CDH11: variants seen among roughly 807,000 people sequenced by gnomAD.
CDH11 encodes cadherin 11, also known as cadherin-11.
A neutral mutation model predicts 67.8 loss-of-function variants in CDH11; 11 were observed. The observed-to-expected ratio is 0.16, with a 90% CI of 0.10 to 0.27. The LOEUF is 0.27. Ranked by LOEUF, CDH11 falls within the 10% of genes least tolerant of loss-of-function variation. CDH11 has a pLI of 1.00. For synonymous variants in CDH11, 419 were observed against 400.0 expected, an observed-to-expected ratio of 1.05 and a Z score of -0.57; for missense variants, 847 against 1,031.2, an observed-to-expected ratio of 0.82 and a Z score of 2.45.
At chr16:65,028,520 G>T (rs542294923) in intron 2 of CDH11, among the ~76,000 whole-genome samples, 2 of 152,010 alleles carry the variant, frequency 1.3e-5, no homozygotes, top group Non-Finnish European at 2.9e-5. Context: ...ACACATAAGA[G>T]ATACACACAC....
intron 2 of CDH11, among the ~76,000 whole-genome samples, chr16:65,006,063 T>G (rs1416994024): frequency 7.0e-6 from 1 of 143,318 alleles, no homozygotes; most frequent in African/African-American, 2.5e-5. Flanking sequence ...GACTTTCTCA[T>G]GCTGAAAACT....
chr16:65,121,783 C>A lies in CDH11; in HGVS notation c.-298+97G>T. On this transcript the variant is annotated intron_variant, in intron 1 of 12. Coordinates refer to ENST00000268603, the MANE Select transcript of CDH11 (RefSeq NM_001797.4). This position sits in a 1 kb window ranked among gnomAD's most constrained non-coding sequence, Gnocchi z 4.1. ...CAGATACCACCGTCCCCCTCACCAC[C>A]CCGCCCCGCCAAGACATTCTCTTCC... 2 of 699,658 alleles carry A rather than the reference C, an allele frequency of 2.9e-6. No homozygotes were observed. The highest frequency in any genetic ancestry group is 5.2e-6 in the Non-Finnish European group (2 of 383,814). 43.3% of individuals were successfully genotyped at this position (699,658 alleles called of 1,614,324 possible).
intron 1 of CDH11, among the ~76,000 whole-genome samples, chr16:65,078,247 C>T (rs575460720): frequency 1.3e-5 from 2 of 152,232 alleles, no homozygotes; most frequent in Admixed American, 1.3e-4. Context: ...AGTATTTTGC[C>T]CTCACGCTGC....
At chr16:65,063,835 T>G (rs1282518123) in intron 1 of CDH11, among the ~76,000 whole-genome samples, 1 of 152,196 alleles carries the variant, frequency 6.6e-6, no homozygotes, top group East Asian at 1.9e-4. Context: ...GGCAGTAAGA[T>G]TGTTTCCTAC....
At chr16:64,958,472 G>A (rs60424410) in intron 11 of CDH11, among the ~76,000 whole-genome samples, 31,801 of 151,994 alleles carry the variant, frequency 0.21, 3,910 homozygotes, top group East Asian at 0.46. Context: ...ATGGGCAAAC[G>A]CTGTTGTTTG....
At chr16:65,002,040 G>A (rs574835085) in intron 3 of CDH11, among the ~76,000 whole-genome samples, 2 of 152,250 alleles carry the variant, frequency 1.3e-5, no homozygotes, top group African/African-American at 4.8e-5. Flanking sequence ...AAGGTTGTTA[G>A]GAAATAAACC....
chr16:65,082,927 A>G (rs745972088), intron 1 of CDH11, among the ~76,000 whole-genome samples: 4 of 152,158 alleles, frequency 2.6e-5, no homozygotes, highest in Non-Finnish European at 5.9e-5. Flanking sequence ...GGCTGTGGGC[A>G]CTGCAGGGGG....
intron 11 of CDH11, among the ~76,000 whole-genome samples, chr16:64,960,171 G>A (rs970825549): frequency 1.3e-5 from 2 of 152,102 alleles, no homozygotes; most frequent in Non-Finnish European, 2.9e-5. Context: ...TGACTGAATG[G>A]ATGAAAGAAT....
intron 2 of CDH11, among the ~76,000 whole-genome samples, chr16:65,049,867 G>A (rs924326307): frequency 4.6e-5 from 7 of 152,236 alleles, no homozygotes; most frequent in Non-Finnish European, 1.0e-4. Context: ...CCCAAAATAG[G>A]AAATACACAT....
intron 1 of CDH11, among the ~76,000 whole-genome samples, chr16:65,054,228 T>C (rs1405391488): frequency 6.6e-6 from 1 of 152,224 alleles, no homozygotes; most frequent in African/African-American, 2.4e-5. Flanking sequence ...CACATACATT[T>C]GCTCTTGCAT....
At chr16:65,013,079 G>A (rs999394357) in intron 2 of CDH11, among the ~76,000 whole-genome samples, 19 of 152,324 alleles carry the variant, frequency 1.2e-4, no homozygotes, top group Middle Eastern at 3.4e-3. Context: ...CATATCTGCA[G>A]GGGCTTGTGA....
At chr16:64,954,175 G>A (rs146409100) in intron 11 of CDH11, among the ~76,000 whole-genome samples, 1 of 152,324 alleles carries the variant, frequency 6.6e-6, no homozygotes, top group East Asian at 1.9e-4. Flanking sequence ...CCGACACACA[G>A]AAACCACTAC....
At chr16:64,961,583 TTAG>T (rs1165466916) in intron 11 of CDH11, among the ~76,000 whole-genome samples, 2 of 152,146 alleles carry the variant, frequency 1.3e-5, no homozygotes, top group Admixed American at 1.3e-4. Flanking sequence ...TAAATTATTA[TTAG>T]GATTATATAT....
At chr16:65,078,977 G>A (rs564464596) in intron 1 of CDH11, among the ~76,000 whole-genome samples, 73 of 152,248 alleles carry the variant, frequency 4.8e-4, no homozygotes, top group African/African-American at 1.4e-3. Context: ...AAATTACCCC[G>A]GCCTAATATG....
intron 2 of CDH11, among the ~76,000 whole-genome samples, chr16:65,051,082 G>A (rs1256464137): frequency 6.6e-6 from 1 of 152,168 alleles, no homozygotes; most frequent in African/African-American, 2.4e-5. Context: ...TGCAAAATAA[G>A]CAAATGCAAG....
intron 1 of CDH11, among the ~76,000 whole-genome samples, chr16:65,080,777 G>T (rs1160916247): frequency 1.3e-5 from 2 of 152,028 alleles, no homozygotes; most frequent in African/African-American, 4.8e-5. Flanking sequence ...TCATCATTTT[G>T]CTCATGATAT....
At chr16:65,101,873 A>G (rs138136128) in intron 1 of CDH11, among the ~76,000 whole-genome samples, 25 of 152,342 alleles carry the variant, frequency 1.6e-4, no homozygotes, top group Non-Finnish European at 3.1e-4. Context: ...TTCAGTGTGA[A>G]TGACTTTCGC....
chr16:64,990,140 T>C (rs530327956), intron 6 of CDH11, among the ~76,000 whole-genome samples: 1 of 152,274 alleles, frequency 6.6e-6, no homozygotes, highest in Non-Finnish European at 1.5e-5. Context: ...ACAGTAGCAA[T>C]GTAACTTTAC....
chr16:64,980,589 A>T (rs2072306342), intron 8 of CDH11, among the ~76,000 whole-genome samples: 1 of 152,224 alleles, frequency 6.6e-6, no homozygotes. Flanking sequence ...AGGGATTAGG[A>T]GACAGCAGGA....
Sources: gnomAD v4.1 joint callset for allele counts (sites outside exome capture counted in the v4.1 genomes callset) on GRCh38, gnomAD v4.1.1 for gene constraint, Gnocchi (gnomAD v3.1) non-coding constraint, MANE v1.5 for transcripts, NCBI Gene and HGNC (gene_info 2026-07-23, HGNC 2026-07-21) for gene names.